The following PLD5 variants were observed in gnomAD, a reference collection of about 807,000 sequenced individuals.
PLD5 encodes the protein inactive phospholipase D5.
A neutral mutation model predicts 61.1 loss-of-function variants in PLD5; 36 were observed. The observed-to-expected ratio is 0.59, with a 90% CI of 0.45 to 0.78. The LOEUF is 0.78. Ranked by LOEUF, PLD5 falls within the 30% of genes least tolerant of loss-of-function variation. PLD5 has a pLI of 0.00. For missense variants in PLD5, 515 were observed against 644.4 expected, an observed-to-expected ratio of 0.80 and a Z score of 2.17; for synonymous variants, 243 against 242.8, an observed-to-expected ratio of 1.00 and a Z score of -0.01.
At chr1:242,127,888 T>A (rs1662925009) in intron 5 of PLD5, among the ~76,000 whole-genome samples, 1 of 152,188 alleles carries the variant, frequency 6.6e-6, no homozygotes. Flanking sequence ...ATCAAGGGAA[T>A]CATTTGACTT....
At chr1:242,325,035 G>A (rs755187014) in intron 2 of PLD5, among the ~76,000 whole-genome samples, 3 of 152,148 alleles carry the variant, frequency 2.0e-5, no homozygotes, top group African/African-American at 4.8e-5. Context: ...CCAACTCTAT[G>A]TGTATTAAAC....
rs1558344071 is a variant in PLD5 at position 242,207,844 on chromosome 1, A to ATATATT, written c.735+12143_735+12144insAATATA. ...TATATTTATATATATTTATATATTT[A>ATATATT]TATATATTTATATATTTATATATTT... On this transcript the variant is annotated intron_variant, in intron 5 of 9. Transcript: ENST00000536534. Among the ~76,000 whole-genome samples the ATATATT allele has an allele frequency of 5.0e-4, 11 of 22,070 alleles. 2 individuals are homozygous for ATATATT. The highest frequency in any genetic ancestry group is 4.8e-3 in the East Asian group (2 of 420). The allele number at this position is 22,070 out of a possible 152,430, so 14.5% of individuals were successfully genotyped here.
rs192490634 is a variant in PLD5, at chr1:242,453,983, G to A, written c.189+70105C>T. On this transcript the variant is annotated intron_variant, in intron 1 of 9. Coordinates refer to ENST00000536534, the MANE Select transcript of PLD5 (RefSeq NM_001372062.1). ...GCAGGGCTAGGAGAGCTCAACGTGC[G>A]CTGGTGATTAGAGACCCTTTAAAAG... Among the ~76,000 whole-genome samples, 15 of 152,242 alleles carry A rather than the reference G, an allele frequency of 9.9e-5. No individual in the cohort carries two copies. The South Asian group carries it at 1.0e-3, about 11-fold the overall frequency.
At position 242,503,044 on chromosome 1, in the gene PLD5, A is replaced by G. The variant is rs1668607190; in HGVS notation, c.189+21044T>C. Among the ~76,000 whole-genome samples the G allele has an allele frequency of 2.6e-5, 4 of 152,128 alleles. No individual in the cohort carries two copies. The South Asian group carries it at 8.3e-4, about 32-fold the overall frequency. ...CCACTACACTCCAGCCTGGCAACAG[A>G]GCAAGACTCCGTCTCAAAAACAAAA... On this transcript the variant is annotated intron_variant, in intron 1 of 9. Coordinates refer to ENST00000536534, the MANE Select transcript of PLD5 (RefSeq NM_001372062.1).
chr1:242,312,793 G>C (rs1255701716), intron 2 of PLD5, among the ~76,000 whole-genome samples: 8 of 152,254 alleles, frequency 5.3e-5, no homozygotes, highest in African/African-American at 1.9e-4. Context: ...TTGGGGCAGG[G>C]TGGGGCAAGG....
At chr1:242,465,878 G>A (rs756691918) in intron 1 of PLD5, among the ~76,000 whole-genome samples, 5 of 152,168 alleles carry the variant, frequency 3.3e-5, no homozygotes, top group Non-Finnish European at 4.4e-5. Context: ...GCAGTGAGCC[G>A]AGATCGTGCC....
chr1:242,497,621 TG>T (rs2102986144), intron 1 of PLD5, among the ~76,000 whole-genome samples: 1 of 152,292 alleles, frequency 6.6e-6, no homozygotes, highest in Non-Finnish European at 1.5e-5. Context: ...TTTCTAAGCA[TG>T]AAAAAGAGAG....
At chr1:242,247,264 G>A (rs1453455079) in intron 4 of PLD5, among the ~76,000 whole-genome samples, 1 of 152,196 alleles carries the variant, frequency 6.6e-6, no homozygotes, top group African/African-American at 2.4e-5. Flanking sequence ...TTACAGGCGT[G>A]AGCCACCGCG....
intron 5 of PLD5, among the ~76,000 whole-genome samples, chr1:242,183,622 G>A (rs374112924): frequency 2.6e-5 from 4 of 152,160 alleles, no homozygotes; most frequent in Non-Finnish European, 4.4e-5. Flanking sequence ...TAGGCCGGGC[G>A]CGGTGGCTCA....
chr1:242,499,468 A>G (rs1392474780), intron 1 of PLD5, among the ~76,000 whole-genome samples: 2 of 152,184 alleles, frequency 1.3e-5, no homozygotes, highest in African/African-American at 4.8e-5. Flanking sequence ...ACCTCTATCT[A>G]TCATATATCT....
intron 6 of PLD5, among the ~76,000 whole-genome samples, chr1:242,121,967 G>A (rs1411985646): frequency 6.6e-6 from 1 of 151,548 alleles, no homozygotes; most frequent in Non-Finnish European, 1.5e-5. Context: ...GGGAGGGATA[G>A]CATTAGGAGA....
chr1:242,094,218 G>C lies in PLD5; in HGVS notation c.1355-4108C>G, dbSNP rs540517227. ...GTAGTGTCACCCAGAGGGACATGAT[G>C]ATGAGGTTGCAAGAGAGCTCGCTGG... On this transcript the variant is annotated intron_variant, in intron 9 of 9. Transcript: ENST00000536534. 5.4e-4 allele frequency among the ~76,000 whole-genome samples: 82 copies of C among 152,126 alleles called. 3 individuals are homozygous for C. The South Asian group carries it at 0.016, about 30-fold the overall frequency.
At chr1:242,464,735 A>C (rs1297762544) in intron 1 of PLD5, among the ~76,000 whole-genome samples, 1 of 152,220 alleles carries the variant, frequency 6.6e-6, no homozygotes, top group Non-Finnish European at 1.5e-5. Flanking sequence ...CATGGTCAGC[A>C]GTGGAAACAG....
chr1:242,373,549 C>T (rs1198617959), intron 1 of PLD5, among the ~76,000 whole-genome samples: 1 of 152,074 alleles, frequency 6.6e-6, no homozygotes, highest in African/African-American at 2.4e-5. Flanking sequence ...TGGAACCAAC[C>T]GAAATGTCCA....
At chr1:242,395,031 A>G (rs971663284) in intron 1 of PLD5, among the ~76,000 whole-genome samples, 2 of 131,410 alleles carry the variant, frequency 1.5e-5, no homozygotes, top group East Asian at 2.1e-4. Context: ...ATATGTATAT[A>G]TGAATGTATA....
intron 4 of PLD5, among the ~76,000 whole-genome samples, chr1:242,223,724 G>T (rs12072989): frequency 3.9e-5 from 6 of 151,986 alleles, no homozygotes; most frequent in Non-Finnish European, 5.9e-5. Context: ...ATATATTTTT[G>T]TATATGGTTC....
chr1:242,084,139 G>A lies in PLD5; in HGVS notation c.*5715C>T, dbSNP rs2148629261. On this transcript the variant is annotated 3_prime_UTR_variant, in exon 10 of 10. Transcript: ENST00000536534. ...TCTTCACCCTTACTATGATTTAATT[G>A]GACTCCTTGTACATGACTGTCATCG... The A allele has an allele frequency of 6.6e-6, 1 of 151,832 alleles. No individual in the cohort carries two copies. The highest frequency in any genetic ancestry group is 2.4e-5 in the African/African-American group (1 of 41,374). The allele number at this position is 151,832 out of a possible 1,614,324, so 9.4% of individuals were successfully genotyped here. A position where few individuals can be genotyped will look rare whatever the true frequency, so the allele number is the denominator to read the frequency against.
chr1:242,456,772 G>A (rs1666956221), intron 1 of PLD5, among the ~76,000 whole-genome samples: 1 of 152,180 alleles, frequency 6.6e-6, no homozygotes, highest in African/African-American at 2.4e-5. Flanking sequence ...TCTGGCCCCT[G>A]TGAGACTGCA....
chr1:242,351,933 AT>A (rs577476216), intron 1 of PLD5, among the ~76,000 whole-genome samples: 12 of 152,166 alleles, frequency 7.9e-5, no homozygotes, highest in African/African-American at 2.4e-4. Context: ...TTCCTCACTA[AT>A]TTTTTTAAAA....
Sources: gnomAD v4.1 joint callset for allele counts (sites outside exome capture counted in the v4.1 genomes callset) on GRCh38, gnomAD v4.1.1 for gene constraint, MANE v1.5 for transcripts, NCBI Gene and HGNC (gene_info 2026-07-23, HGNC 2026-07-21) for gene names.